Variants in CLPSL1 observed in about 807,000 individuals in gnomAD.
CLPSL1 encodes the protein colipase like 1.
CLPSL1 carries 13 observed loss-of-function variants against 9.3 expected under a neutral mutation model. The ratio of observed to expected loss-of-function variants is 1.40; its 90% CI spans 0.91 to 2.22. The LOEUF (loss-of-function observed/expected upper bound fraction) is 2.22. Among genes scored for constraint, CLPSL1 ranks in the 30% most tolerant of loss-of-function variants. The pLI, the probability that CLPSL1 is intolerant of heterozygous loss-of-function variation, is 0.00. For synonymous variants in CLPSL1, 58 were observed against 56.9 expected, an observed-to-expected ratio of 1.02 and a Z score of -0.08; for missense variants, 164 against 146.6, an observed-to-expected ratio of 1.12 and a Z score of -0.61.
At chr6:35,789,272 G>A (rs1377966304), downstream of CLPSL1, among the ~76,000 whole-genome samples, 3 of 152,248 alleles carry the variant, frequency 2.0e-5, no homozygotes, top group South Asian at 4.1e-4. Context: ...AGAATACAGA[G>A]CCCAGAAATA....
intron 1 of CLPSL1, among the ~76,000 whole-genome samples, chr6:35,786,138 G>A (rs1274679750): frequency 6.6e-5 from 10 of 152,146 alleles, no homozygotes; most frequent in Non-Finnish European, 1.2e-4. Flanking sequence ...GGTGGCGCAC[G>A]GCTGTAATCG....
downstream of CLPSL1, among the ~76,000 whole-genome samples, chr6:35,792,884 C>T (rs990636432): frequency 2.6e-5 from 4 of 152,384 alleles, no homozygotes; most frequent in African/African-American, 9.6e-5. Flanking sequence ...GTATTGAAAG[C>T]TCCTCTTGTT....
chr6:35,786,809 C>T (rs925538912), intron 1 of CLPSL1, among the ~76,000 whole-genome samples, 189 bp from the exon 2 acceptor site: 4 of 152,282 alleles, frequency 2.6e-5, no homozygotes, highest in Non-Finnish European at 5.9e-5. Flanking sequence ...GTTCAGTCCC[C>T]TCCAGGCATC....
At chr6:35,785,428 C>T (rs2817069) in intron 1 of CLPSL1, among the ~76,000 whole-genome samples, 6 of 151,056 alleles carry the variant, frequency 4.0e-5, no homozygotes, top group Non-Finnish European at 7.4e-5. Context: ...CTGCCCGCCT[C>T]GGCCTCCCAA....
At position 35,788,082 on chromosome 6, in the gene CLPSL1, T is replaced by C. The variant is rs771107930; in HGVS notation, c.*72T>C. The stretch of plus-strand genomic sequence containing the variant: ...CCTACCCAGAGCTCTGTGTTCACCC[T>C]GTTCCCCAGAGCCTCCACCATGAGT... On this transcript the variant is annotated 3_prime_UTR_variant, in exon 3 of 3. Transcript: ENST00000373861. 1.1e-5 allele frequency: 14 copies of C among 1,223,054 alleles called. No individual in the cohort carries two copies. In the East Asian group the frequency reaches 3.7e-4, roughly 33 times the overall value. The allele number at this position is 1,223,054 out of a possible 1,614,324, so 75.8% of individuals were successfully genotyped here.
chr6:35,790,905 G>A (rs1314508669), downstream of CLPSL1, among the ~76,000 whole-genome samples: 1 of 152,216 alleles, frequency 6.6e-6, no homozygotes, highest in Non-Finnish European at 1.5e-5. Flanking sequence ...AACATAGCCG[G>A]TGGTGGCACG....
intron 1 of CLPSL1, among the ~76,000 whole-genome samples, chr6:35,781,728 GTTTT>G (rs36009111): frequency 1.8e-4 from 25 of 141,100 alleles, no homozygotes; most frequent in South Asian, 4.5e-4. Context: ...GTTTGCAGGT[GTTTT>G]TTTTTTTTTT....
At chr6:35,783,092 A>G (rs1181000063) in intron 1 of CLPSL1, among the ~76,000 whole-genome samples, 1 of 152,086 alleles carries the variant, frequency 6.6e-6, no homozygotes, top group East Asian at 1.9e-4. Context: ...GGACATTTTC[A>G]TTACCCCAAA....
chr6:35,790,982 C>T (rs182522383), downstream of CLPSL1, among the ~76,000 whole-genome samples: 32 of 151,190 alleles, frequency 2.1e-4, no homozygotes, highest in East Asian at 6.1e-3. Flanking sequence ...GAGGTTGAGG[C>T]TGCAGTGAGC....
At chr6:35,793,460 C>T (rs1385164915) in intron 1 of CLPSL1, 1 of 467,600 alleles carries the variant, frequency 2.1e-6, no homozygotes, top group South Asian at 1.6e-5. Context: ...CAAGAAGAAA[C>T]TCTCTGCTCC....
downstream of CLPSL1, among the ~76,000 whole-genome samples, chr6:35,792,844 C>T (rs934785085): frequency 1.3e-5 from 2 of 152,278 alleles, no homozygotes; most frequent in African/African-American, 2.4e-5. Context: ...CTCAGCCCTG[C>T]TCAGGGCCTG....
At chr6:35,793,270 A>G (rs1323391319) in intron 1 of CLPSL1, among the ~76,000 whole-genome samples, 1 of 152,242 alleles carries the variant, frequency 6.6e-6, no homozygotes, top group African/African-American at 2.4e-5. Context: ...CTAAAAATGC[A>G]AAAAATCAGC....
At chr6:35,783,006 A>C (rs1380318779) in intron 1 of CLPSL1, among the ~76,000 whole-genome samples, 1 of 152,124 alleles carries the variant, frequency 6.6e-6, no homozygotes, top group Non-Finnish European at 1.5e-5. Flanking sequence ...AGGTGCTCAG[A>C]TCTTGAGTTT....
At chr6:35,793,478 G>A (rs781351259) in intron 1 of CLPSL1, 46 of 468,306 alleles carry the variant, frequency 9.8e-5, no homozygotes, top group Admixed American at 1.4e-4. Context: ...TCCTTCTCCC[G>A]CCTTCCCAGC....
chr6:35,787,403 G>A (rs1768104665), intron 2 of CLPSL1, among the ~76,000 whole-genome samples: 1 of 152,382 alleles, frequency 6.6e-6, no homozygotes, highest in East Asian at 1.9e-4. Context: ...AGCAAATTCC[G>A]AAAGTAGTAC....
intron 1 of CLPSL1, among the ~76,000 whole-genome samples, chr6:35,785,842 C>T (rs1476825028): frequency 8.7e-5 from 13 of 148,990 alleles, no homozygotes; most frequent in African/African-American, 1.5e-4. Context: ...CCCAGCTACA[C>T]GGGAGGCTGA....
At chr6:35,791,820 C>T (rs1581957699), downstream of CLPSL1, among the ~76,000 whole-genome samples, 1 of 152,112 alleles carries the variant, frequency 6.6e-6, no homozygotes, top group Non-Finnish European at 1.5e-5. Flanking sequence ...ATAATCCTAG[C>T]ACTTTCGGAG....
downstream of CLPSL1, among the ~76,000 whole-genome samples, chr6:35,790,456 A>T (rs1768164552): frequency 6.6e-6 from 1 of 152,276 alleles, no homozygotes; most frequent in Non-Finnish European, 1.5e-5. Flanking sequence ...CAGTACTTGA[A>T]GGCCTGAGAA....
At chr6:35,786,166 T>A (rs901395887) in intron 1 of CLPSL1, among the ~76,000 whole-genome samples, 3 of 152,004 alleles carry the variant, frequency 2.0e-5, no homozygotes, top group Admixed American at 2.0e-4. Context: ...TCGGGAGAAT[T>A]GCTTGAACCC....
Sources: allele counts gnomAD v4.1 joint callset (sites outside exome capture counted in the v4.1 genomes callset), GRCh38; gene constraint gnomAD v4.1.1; transcripts MANE v1.5; gene names NCBI Gene and HGNC (gene_info 2026-07-23, HGNC 2026-07-21).